Variants in SYNPR observed in about 807,000 individuals in gnomAD.
SYNPR encodes synaptoporin.
Under a neutral mutation model 32.9 loss-of-function variants are expected in SYNPR, and 23 were observed. The ratio of observed to expected loss-of-function variants is 0.70; its 90% confidence interval spans 0.50 to 0.99. SYNPR has a LOEUF of 0.99. Among genes scored for constraint, SYNPR ranks in the 50% least tolerant of loss-of-function variants. SYNPR has a pLI of 0.00. For synonymous variants in SYNPR, 146 were observed against 135.9 expected (o/e 1.07, Z -0.52); for missense variants, 318 against 349.3 (o/e 0.91, Z 0.71).
intron 2 of SYNPR, among the ~76,000 whole-genome samples, chr3:63,363,751 G>T (rs2087692721): frequency 6.6e-6 from 1 of 152,078 alleles, no homozygotes. Context: ...AATCTCACTA[G>T]TGCCAGGTAC....
At chr3:63,570,784 T>C (rs1355263078) in intron 4 of SYNPR, among the ~76,000 whole-genome samples, 1 of 152,192 alleles carries the variant, frequency 6.6e-6, no homozygotes, top group Non-Finnish European at 1.5e-5. Context: ...TGATCCCCCC[T>C]GCTAGATATC....
chr3:63,524,874 A>G (rs35689679), intron 3 of SYNPR, among the ~76,000 whole-genome samples: 2 of 96,280 alleles, frequency 2.1e-5, no homozygotes, highest in African/African-American at 7.0e-5. Flanking sequence ...TGTGTGTGAG[A>G]GAGAGAGAGA....
intron 2 of SYNPR, among the ~76,000 whole-genome samples, chr3:63,319,387 G>A (rs1347825523): frequency 2.0e-5 from 3 of 151,824 alleles, no homozygotes; most frequent in Admixed American, 1.3e-4. Context: ...TTTTGCTTAG[G>A]ATTGCTTTGG....
chr3:63,523,969 G>C (rs72887350), intron 3 of SYNPR, among the ~76,000 whole-genome samples: 4,632 of 152,058 alleles, frequency 0.03, 226 homozygotes, highest in African/African-American at 0.1. Flanking sequence ...ATTTTTAGTA[G>C]ACTGCATTTC....
the SYNPR span, among the ~76,000 whole-genome samples, chr3:63,207,628 T>C: frequency 3.3e-5 from 5 of 152,144 alleles, no homozygotes; most frequent in South Asian, 4.1e-4. Flanking sequence ...ATATGAATCA[T>C]GAGGCTCTAC....
intron 4 of SYNPR, among the ~76,000 whole-genome samples, chr3:63,567,019 G>A (rs145584776): frequency 6.6e-6 from 1 of 152,224 alleles, no homozygotes; most frequent in African/African-American, 2.4e-5. Flanking sequence ...TGCTTGGAAG[G>A]CTTCTTATTG....
rs549406152 is a variant in SYNPR at position 63,429,899 on chromosome 3, T to C, written c.85-50933T>C. On this transcript the variant is annotated intron_variant, in intron 2 of 5. Transcript: ENST00000478300. ...CTGTTTTACTTGGCTTCTTCTAATA[T>C]GCTGTCAACTTAGAAAAACCAACCT... is the stretch of plus-strand genomic sequence containing the variant. Among the ~76,000 whole-genome samples the C allele has an allele frequency of 1.4e-4, 21 of 152,324 alleles. No homozygotes were observed. The South Asian group carries it at 2.1e-3, about 15-fold the overall frequency.
At chr3:63,260,506 T>A (rs1449483812) in intron 2 of SYNPR, among the ~76,000 whole-genome samples, 1 of 152,170 alleles carries the variant, frequency 6.6e-6, no homozygotes, top group Non-Finnish European at 1.5e-5. Context: ...CTGGGAAAAC[T>A]GGCTAGCCAT....
In SYNPR at chr3:63,609,255, AG is replaced by A. The variant is rs1325962932; in HGVS notation, c.540del (p.Gln180HisfsTer17). Reference sequence around the variant, plus strand: ...TTGCTACTAATGTCAGCTTGCAAACAGCCATCCAACAAATGCATGGCTATCC... The same window carrying A: ...TTGCTACTAATGTCAGCTTGCAAACACCATCCAACAAATGCATGGCTATCC... ...EVLLLMSACK[Q>X]PSNKCMAIHS... On this transcript the variant is annotated frameshift_variant, in exon 5 of 6. Coordinates refer to ENST00000478300, the MANE Select transcript of SYNPR (RefSeq NM_001130003.2). LOFTEE classifies it high-confidence loss of function. The A allele has an allele frequency of 6.2e-7, 1 of 1,606,520 alleles. No homozygotes were observed.
intron 1 of SYNPR, among the ~76,000 whole-genome samples, chr3:63,242,940 A>G (rs888758443): frequency 1.3e-5 from 2 of 152,128 alleles, no homozygotes; most frequent in African/African-American, 4.8e-5. Flanking sequence ...TCACTGAAAG[A>G]AAAGATCAGC....
chr3:63,570,459 A>G (rs930376082), intron 4 of SYNPR, among the ~76,000 whole-genome samples: 1 of 152,134 alleles, frequency 6.6e-6, no homozygotes, highest in Non-Finnish European at 1.5e-5. Context: ...CCGGTATTCC[A>G]TGTTTTAGTC....
intron 1 of SYNPR, among the ~76,000 whole-genome samples, chr3:63,245,019 A>T (rs2106883831): frequency 1.3e-5 from 2 of 152,244 alleles, no homozygotes; most frequent in Middle Eastern, 6.8e-3. Flanking sequence ...TACATTTTAA[A>T]CATAAAAGAA....
intron 4 of SYNPR, among the ~76,000 whole-genome samples, chr3:63,586,115 G>T (rs756525639): frequency 6.6e-6 from 1 of 152,004 alleles, no homozygotes; most frequent in Non-Finnish European, 1.5e-5. Flanking sequence ...TTCCTCCTTG[G>T]TATTTGAGAA....
chr3:63,330,790 T>C (rs1345875924), intron 2 of SYNPR, among the ~76,000 whole-genome samples: 1 of 152,156 alleles, frequency 6.6e-6, no homozygotes. Context: ...AAGTGACTTG[T>C]CCAAGGTTGT....
intron 3 of SYNPR, among the ~76,000 whole-genome samples, chr3:63,543,936 C>T (rs961651757): frequency 1.3e-5 from 2 of 151,976 alleles, no homozygotes; most frequent in Non-Finnish European, 1.5e-5. Flanking sequence ...GGTGGCGGGG[C>T]GTTATTCTAG....
In SYNPR at chr3:63,280,631, G is replaced by A. The variant is rs75960597; in HGVS notation, c.84+1889G>A. ...TATCCCAAGCTGAATGATTCACCTC[G>A]TTCTTTGAACTTCCACTAGATTTTT... On this transcript the variant is annotated intron_variant, in intron 2 of 5. Coordinates refer to ENST00000478300, the MANE Select transcript of SYNPR (RefSeq NM_001130003.2). Among the ~76,000 whole-genome samples the A allele has an allele frequency of 1.4e-3, 207 of 151,440 alleles. 2 individuals carry two copies. The East Asian group carries it at 0.035, about 25-fold the overall frequency.
chr3:63,339,216 AG>A (rs2087332789), intron 2 of SYNPR, among the ~76,000 whole-genome samples: 1 of 152,222 alleles, frequency 6.6e-6, no homozygotes, highest in Non-Finnish European at 1.5e-5. Context: ...ACACATTTTT[AG>A]TGAGCACCTA....
intron 3 of SYNPR, among the ~76,000 whole-genome samples, chr3:63,530,030 G>A (rs2106787094): frequency 6.6e-6 from 1 of 152,238 alleles, no homozygotes; most frequent in East Asian, 1.9e-4. Flanking sequence ...AAGTTGTTGG[G>A]CTGCTGCTCC....
chr3:63,333,179 C>G (rs2087248671), intron 2 of SYNPR, among the ~76,000 whole-genome samples: 1 of 151,904 alleles, frequency 6.6e-6, no homozygotes, highest in Non-Finnish European at 1.5e-5. Flanking sequence ...ATTAAGAAAG[C>G]TTTTGAATCT....
Sources: gnomAD v4.1 joint callset for allele counts (sites outside exome capture counted in the v4.1 genomes callset) on GRCh38, gnomAD v4.1.1 for gene constraint, MANE v1.5 for transcripts, NCBI Gene and HGNC (gene_info 2026-07-23, HGNC 2026-07-21) for gene names.